Variants in SFMBT2 observed in about 807,000 individuals in gnomAD.
SFMBT2 encodes scm-like with four MBT domains protein 2.
SFMBT2 carries 38 observed loss-of-function variants against 110.1 expected under a neutral mutation model. The ratio of observed to expected loss-of-function variants is 0.35; its 90% CI spans 0.27 to 0.45. The LOEUF (loss-of-function observed/expected upper bound fraction) is 0.45. Among genes scored for constraint, SFMBT2 ranks in the 20% least tolerant of loss-of-function variants. SFMBT2 has a pLI of 1.00. For synonymous variants in SFMBT2, 425 were observed against 425.4 expected (o/e 1.00, Z 0.01); for missense variants, 1,011 against 1,094.9 (o/e 0.92, Z 1.08).
At chr10:7,282,147 T>G (rs964708573) in intron 6 of SFMBT2, among the ~76,000 whole-genome samples, 1 of 152,196 alleles carries the variant, frequency 6.6e-6, no homozygotes, top group African/African-American at 2.4e-5. Context: ...TTCAGTTAAA[T>G]GAACAACTCA....
At chr10:7,308,950 T>G (rs1313699751) in intron 4 of SFMBT2, among the ~76,000 whole-genome samples, 1 of 152,162 alleles carries the variant, frequency 6.6e-6, no homozygotes, top group African/African-American at 2.4e-5. Flanking sequence ...GAAATGGATA[T>G]CCAAATGGCT....
chr10:7,370,103 T>G (rs75203014), intron 3 of SFMBT2, among the ~76,000 whole-genome samples, 178 bp downstream of exon 3: 7,576 of 152,206 alleles, frequency 0.05, 627 homozygotes, highest in African/African-American at 0.17. Flanking sequence ...TCAAGTGATT[T>G]GCCAGTCTCA....
In SFMBT2 at chr10:7,370,370, C is replaced by T. The variant is rs1845028571; in HGVS notation, c.106G>A (p.Gly36Ser). Residue 36 changes from glycine to serine, a missense_variant, in exon 3 of 21, where the codon GGC becomes AGC. This residue lies in a region of SFMBT2 where 979 missense variants were observed against 1,016.1 expected (regional missense o/e 0.96). Coordinates refer to ENST00000397167, the MANE Select transcript of SFMBT2 (RefSeq NM_001387889.1). ...NGNGDLDSEE[G>S]SSLEETGFNW... is the part of the protein sequence containing the mutation. ...AAGCCAGTTTCCTCCAAGCTTGAGC[C>T]TTCTTCTGTTGAAAAACAAAAGAAC... The T allele has an allele frequency of 6.2e-7, 1 of 1,613,878 alleles. No homozygotes were observed. Among genetic ancestry groups the T allele is most frequent in the African/African-American group, 1.3e-5 (1 of 74,938 alleles).
At chr10:7,308,417 C>A (rs1842756663) in intron 4 of SFMBT2, among the ~76,000 whole-genome samples, 2 of 151,846 alleles carry the variant, frequency 1.3e-5, no homozygotes, top group African/African-American at 4.8e-5. Context: ...TGTTACATAC[C>A]TAATAAATAC....
intron 4 of SFMBT2, among the ~76,000 whole-genome samples, chr10:7,315,157 G>A (rs1004523382): frequency 6.6e-6 from 1 of 152,076 alleles, no homozygotes; most frequent in Non-Finnish European, 1.5e-5. Context: ...AGAGTAAAAC[G>A]TCACGATCCC....
intron 1 of SFMBT2, among the ~76,000 whole-genome samples, chr10:7,385,018 C>T (rs1036800655): frequency 2.6e-5 from 4 of 152,212 alleles, no homozygotes; most frequent in East Asian, 1.9e-4. Flanking sequence ...AGGTCTTCTG[C>T]GCTACACCTG....
At position 7,243,452 on chromosome 10, in the gene SFMBT2, A is replaced by T. The variant is rs144359619; in HGVS notation, c.1120+106T>A. ...AACGCCCTATTTCTACTACATCTAA[A>T]CCCTTTACACAACCAGCCTCCCCAG... On this transcript the variant is annotated intron_variant, in intron 9 of 20. Transcript: ENST00000397167. The T allele has an allele frequency of 1.2e-4, 89 of 753,408 alleles. No individual in the cohort carries two copies. In the African/African-American group the frequency reaches 1.3e-3, roughly 11 times the overall value. The allele number at this position is 753,408 out of a possible 1,614,324, so 46.7% of individuals were successfully genotyped here.
intron 10 of SFMBT2, among the ~76,000 whole-genome samples, chr10:7,221,297 T>C (rs1026987426): frequency 8.6e-5 from 13 of 152,000 alleles, no homozygotes; most frequent in Non-Finnish European, 1.9e-4. Flanking sequence ...TCGGGTGTGG[T>C]GGCTCATGCC....
At chr10:7,327,135 GA>G (rs35099211) in intron 4 of SFMBT2, among the ~76,000 whole-genome samples, 90,597 of 125,514 alleles carry the variant, frequency 0.72, 32,337 homozygotes, top group Middle Eastern at 0.81. Flanking sequence ...GGTCTTCCTT[GA>G]AAAAAAAAAA....
intron 2 of SFMBT2, among the ~76,000 whole-genome samples, chr10:7,371,951 G>T: frequency 1.1e-5 from 1 of 94,980 alleles, no homozygotes. Context: ...TTTTGAGATG[G>T]AGTCTTGCTC....
chr10:7,196,799 G>A (rs1838783312), intron 15 of SFMBT2, among the ~76,000 whole-genome samples: 1 of 152,220 alleles, frequency 6.6e-6, no homozygotes, highest in East Asian at 1.9e-4. Flanking sequence ...AAAGAGCAGA[G>A]ATAGAGTTCC....
At chr10:7,395,872 T>C (rs1255462457) in intron 1 of SFMBT2, among the ~76,000 whole-genome samples, 1 of 152,214 alleles carries the variant, frequency 6.6e-6, no homozygotes, top group Non-Finnish European at 1.5e-5. Context: ...TGTCTACTTT[T>C]ATATTACTGC....
intron 16 of SFMBT2, among the ~76,000 whole-genome samples, chr10:7,177,685 C>T (rs930945731): frequency 2.0e-5 from 3 of 151,828 alleles, no homozygotes; most frequent in South Asian, 4.2e-4. Flanking sequence ...AGCAGCATAG[C>T]GAGACCCCCA....
intron 2 of SFMBT2, among the ~76,000 whole-genome samples, chr10:7,371,402 C>T (rs1223101108): frequency 6.6e-6 from 1 of 152,184 alleles, no homozygotes; most frequent in African/African-American, 2.4e-5. Context: ...GCTAGGATTA[C>T]AGACATGAGC....
At chr10:7,257,334 C>T (rs1841050375) in intron 7 of SFMBT2, among the ~76,000 whole-genome samples, 1 of 152,144 alleles carries the variant, frequency 6.6e-6, no homozygotes, top group Non-Finnish European at 1.5e-5. Flanking sequence ...TCACCCACCA[C>T]TTTCAACATC....
chr10:7,335,080 C>T (rs1843676579), intron 4 of SFMBT2, among the ~76,000 whole-genome samples: 1 of 152,138 alleles, frequency 6.6e-6, no homozygotes, highest in Non-Finnish European at 1.5e-5. Flanking sequence ...AGAAACTGAT[C>T]TTTTTCTATA....
At chr10:7,322,624 C>A (rs1843228330) in intron 4 of SFMBT2, among the ~76,000 whole-genome samples, 1 of 152,044 alleles carries the variant, frequency 6.6e-6, no homozygotes. Context: ...CACACACACA[C>A]ACACACATAC....
chr10:7,366,421 TATATC>T (rs1179183721), intron 4 of SFMBT2, among the ~76,000 whole-genome samples: 2 of 117,932 alleles, frequency 1.7e-5, no homozygotes, highest in Non-Finnish European at 3.6e-5. Flanking sequence ...AGAAAAACAA[TATATC>T]ATAACAAAAA....
intron 20 of SFMBT2, among the ~76,000 whole-genome samples, chr10:7,166,445 T>C (rs994847020): frequency 6.6e-6 from 1 of 152,252 alleles, no homozygotes; most frequent in African/African-American, 2.4e-5. Flanking sequence ...AGGTGGCCAA[T>C]GCATGTACCA....
Sources: gnomAD v4.1 joint callset for allele counts (sites outside exome capture counted in the v4.1 genomes callset) on GRCh38, gnomAD v4.1.1 for gene constraint, gnomAD v4.1.1 regional missense constraint, MANE v1.5 for transcripts, NCBI Gene and HGNC (gene_info 2026-07-23, HGNC 2026-07-21) for gene names.